GALNT1: variants seen among roughly 807,000 people sequenced by gnomAD.
GALNT1 encodes the protein polypeptide N-acetylgalactosaminyltransferase 1, also known as GalNAc transferase 1.
A neutral mutation model predicts 65.7 loss-of-function variants in GALNT1; 17 were observed. The observed-to-expected ratio is 0.26, with a 90% CI of 0.18 to 0.39. GALNT1 has a LOEUF of 0.39. Ranked by LOEUF, GALNT1 falls within the 10% of genes least tolerant of loss-of-function variation. The pLI is 1.00. For missense variants in GALNT1, 460 were observed against 672.8 expected (o/e 0.68, Z 3.50); for synonymous variants, 210 against 219.7 (o/e 0.96, Z 0.39).
At chr18:35,689,348 G>GATTATTCATGTATC in intron 7 of GALNT1, 58 bp downstream of exon 7, 1 of 922,260 alleles carries the variant, frequency 1.1e-6, no homozygotes, top group South Asian at 1.4e-5. Context: ...GATGTGCATT[G>GATTATTCATGTATC]ATTATTCATG....
At chr18:35,664,346 C>T (rs2047516390) in intron 3 of GALNT1, 1 of 152,144 alleles carries the variant, frequency 6.6e-6, no homozygotes, top group Admixed American at 6.5e-5. Context: ...TGGATCCACA[C>T]CATTTTTTGT....
chr18:35,618,668 A>G (rs2046815011), intron 1 of GALNT1, among the ~76,000 whole-genome samples: 1 of 151,954 alleles, frequency 6.6e-6, no homozygotes, highest in Admixed American at 6.6e-5. Flanking sequence ...TTTTTTTTCC[A>G]ACAATTTACT....
intron 1 of GALNT1, chr18:35,596,769 A>G (rs879449167): frequency 1.3e-5 from 2 of 152,132 alleles, no homozygotes; most frequent in Non-Finnish European, 2.9e-5. Flanking sequence ...ATTGCTCATC[A>G]CATCTTAGCC....
At chr18:35,641,430 G>A (rs921218345) in intron 1 of GALNT1, among the ~76,000 whole-genome samples, 16 of 152,132 alleles carry the variant, frequency 1.1e-4, no homozygotes, top group African/African-American at 3.9e-4. Context: ...GGCAACAGAG[G>A]GAGACCCTGT....
In GALNT1 at chr18:35,702,941, A is replaced by G. The variant is rs1447837506; in HGVS notation, c.1344A>G (p.Arg448=). ...ATCAGTGTCTAGATAACATGGCTAG[A>G]AAAGAGAATGAAAAAGTTGGAATTT... ...ETNQCLDNMA[R]KENEKVGIFN... is the part of the protein sequence containing the mutation. The change falls in exon 10 of 12, where the codon AGA becomes AGG. Residue 448 remains arginine (R), a synonymous_variant. Coordinates refer to ENST00000269195, the MANE Select transcript of GALNT1 (RefSeq NM_020474.4). 1.2e-6 allele frequency: 2 copies of G among 1,611,802 alleles called. No homozygotes were observed. Among genetic ancestry groups the G allele is most frequent in the East Asian group, 2.2e-5 (1 of 44,770 alleles).
At chr18:35,657,075 A>T (rs1255206530) in intron 2 of GALNT1, among the ~76,000 whole-genome samples, 1 of 150,072 alleles carries the variant, frequency 6.7e-6, no homozygotes, top group Admixed American at 6.6e-5. Context: ...TGAGTTTGGA[A>T]TTTTTTTTTT....
chr18:35,648,622 C>T (rs549042193), intron 1 of GALNT1, among the ~76,000 whole-genome samples: 1 of 152,302 alleles, frequency 6.6e-6, no homozygotes, highest in South Asian at 2.1e-4. Flanking sequence ...CTTTTAGTTA[C>T]TTCCAAAATG....
chr18:35,642,837 C>T (rs558406479), intron 1 of GALNT1, among the ~76,000 whole-genome samples: 14 of 152,096 alleles, frequency 9.2e-5, no homozygotes, highest in Non-Finnish European at 4.4e-5. Context: ...TAGGATTCCT[C>T]GTTGGGTCAC....
At chr18:35,619,176 T>A (rs147147037) in intron 1 of GALNT1, among the ~76,000 whole-genome samples, 77 of 152,302 alleles carry the variant, frequency 5.1e-4, no homozygotes, top group African/African-American at 1.6e-3. Flanking sequence ...TTCTGTAACA[T>A]GCTAATATAT....
chr18:35,683,180 A>G (rs905487547), intron 4 of GALNT1, among the ~76,000 whole-genome samples: 1 of 152,136 alleles, frequency 6.6e-6, no homozygotes, highest in African/African-American at 2.4e-5. Context: ...GCATTCTCCT[A>G]ATTCTGCATA....
intron 1 of GALNT1, among the ~76,000 whole-genome samples, chr18:35,636,461 A>G (rs932027017): frequency 6.6e-6 from 1 of 152,224 alleles, no homozygotes; most frequent in Admixed American, 6.5e-5. Flanking sequence ...TTAAACAAAC[A>G]AAACCTTGTA....
At chr18:35,627,720 A>G (rs1179857189) in intron 1 of GALNT1, among the ~76,000 whole-genome samples, 1 of 151,806 alleles carries the variant, frequency 6.6e-6, no homozygotes, top group Non-Finnish European at 1.5e-5. Flanking sequence ...ATTGTCGGAC[A>G]GTGGGTGCAG....
chr18:35,666,591 T>C (rs2047552618), intron 3 of GALNT1, among the ~76,000 whole-genome samples: 1 of 152,242 alleles, frequency 6.6e-6, no homozygotes, highest in Non-Finnish European at 1.5e-5. Context: ...TCTTAACACA[T>C]TTTATTAAAT....
intron 8 of GALNT1, among the ~76,000 whole-genome samples, 173 bp from the exon 9 acceptor site, chr18:35,692,008 G>A (rs1276518823): frequency 6.6e-6 from 1 of 152,078 alleles, no homozygotes; most frequent in East Asian, 1.9e-4. Flanking sequence ...ACATTTTAAT[G>A]TATTTTCCTT....
At chr18:35,677,941 T>C (rs929694462) in intron 4 of GALNT1, among the ~76,000 whole-genome samples, 184 bp downstream of exon 4, 1 of 152,240 alleles carries the variant, frequency 6.6e-6, no homozygotes. Flanking sequence ...AATATTACTT[T>C]AATTAGTAAT....
intron 1 of GALNT1, among the ~76,000 whole-genome samples, chr18:35,627,066 C>T (rs561296955): frequency 3.5e-4 from 53 of 152,304 alleles, no homozygotes; most frequent in African/African-American, 1.3e-3. Context: ...TGAAAAATGT[C>T]AAGGTTGGAT....
chr18:35,609,311 A>G (rs1174039322), intron 1 of GALNT1, among the ~76,000 whole-genome samples: 1 of 149,912 alleles, frequency 6.7e-6, no homozygotes, highest in African/African-American at 2.5e-5. Context: ...AATTCAGGTC[A>G]GTTAAATCTC....
chr18:35,598,085 C>A (rs1443926976), intron 1 of GALNT1, among the ~76,000 whole-genome samples: 1 of 141,024 alleles, frequency 7.1e-6, no homozygotes, highest in East Asian at 2.3e-4. Context: ...CTCTGCTGCC[C>A]AGGGTGGAGT....
At chr18:35,627,742 T>C (rs1199051413) in intron 1 of GALNT1, among the ~76,000 whole-genome samples, 4 of 148,574 alleles carry the variant, frequency 2.7e-5, no homozygotes, top group South Asian at 2.1e-4. Flanking sequence ...ACAGTGGGTG[T>C]AGCACACCGA....
Sources: gnomAD v4.1 joint callset for allele counts (sites outside exome capture counted in the v4.1 genomes callset) on GRCh38, gnomAD v4.1.1 for gene constraint, MANE v1.5 for transcripts, NCBI Gene and HGNC (gene_info 2026-07-23, HGNC 2026-07-21) for gene names.